The following GLT1D1 variants were observed in gnomAD, a reference collection of about 807,000 sequenced individuals.
The protein encoded by GLT1D1 is glycosyltransferase 1 domain-containing protein 1.
In GLT1D1, 21 loss-of-function variants were observed where a neutral mutation model predicts 28.7. The ratio of observed to expected loss-of-function variants is 0.73; its 90% CI spans 0.52 to 1.05. GLT1D1 has a LOEUF of 1.05. Among genes scored for constraint, GLT1D1 ranks in the 50% least tolerant of loss-of-function variants. GLT1D1 has a pLI of 0.00. For synonymous variants in GLT1D1, 147 were observed against 124.8 expected (o/e 1.18, Z -1.19); for missense variants, 343 against 330.6 (o/e 1.04, Z -0.29).
intron 7 of GLT1D1, among the ~76,000 whole-genome samples, chr12:128,977,777 T>C (rs1353602809): frequency 2.2e-5 from 1 of 45,346 alleles, no homozygotes; most frequent in Admixed American, 2.8e-4. Flanking sequence ...TTTTTCTTTT[T>C]TCTTTTTTTT....
chr12:128,939,490 G>A (rs961356630), intron 4 of GLT1D1, among the ~76,000 whole-genome samples: 34 of 152,168 alleles, frequency 2.2e-4, no homozygotes, highest in South Asian at 1.7e-3. Context: ...GGGAGGCCGA[G>A]GCAGGAGGAT....
intron 7 of GLT1D1, among the ~76,000 whole-genome samples, chr12:128,962,476 T>A (rs61946466): frequency 0.35 from 53,174 of 151,656 alleles, 10,164 homozygotes; most frequent in Admixed American, 0.51. Context: ...AAGGAATGAG[T>A]GGAGGGAGTA....
At chr12:128,888,515 A>G (rs561318916) in intron 2 of GLT1D1, 124 bp from the exon 3 acceptor site, 410 of 642,198 alleles carry the variant, frequency 6.4e-4, no homozygotes, top group Non-Finnish European at 9.1e-4. Flanking sequence ...ATGCAGCTAA[A>G]TGTACAGCAA....
intron 4 of GLT1D1, among the ~76,000 whole-genome samples, chr12:128,911,229 C>T (rs965190030): frequency 3.3e-5 from 5 of 152,234 alleles, no homozygotes; most frequent in African/African-American, 7.2e-5. Context: ...CATGCCTGGC[C>T]GTGCCACCCA....
At chr12:128,914,794 T>C (rs1871934791) in intron 4 of GLT1D1, 139 bp from the exon 6 acceptor site, 3 of 640,384 alleles carry the variant, frequency 4.7e-6, no homozygotes. Context: ...CACTGCAGCC[T>C]GGGTGACAGA....
chr12:128,956,852 T>A (rs1877364599), intron 6 of GLT1D1, among the ~76,000 whole-genome samples: 1 of 152,208 alleles, frequency 6.6e-6, no homozygotes, highest in Non-Finnish European at 1.5e-5. Flanking sequence ...GTCAGTGGGA[T>A]CCCCTTGAAG....
chr12:128,883,920 G>A (rs768298631), intron 2 of GLT1D1, among the ~76,000 whole-genome samples: 1 of 152,160 alleles, frequency 6.6e-6, no homozygotes, highest in African/African-American at 2.4e-5. Flanking sequence ...AGAAGGGAAA[G>A]GATTTACTTC....
chr12:128,877,155 C>T (rs1356312328), intron 2 of GLT1D1, among the ~76,000 whole-genome samples: 2 of 152,200 alleles, frequency 1.3e-5, no homozygotes, highest in African/African-American at 2.4e-5. Flanking sequence ...TCTGACTTTA[C>T]TGAGAGTATA....
chr12:128,904,003 C>T (rs1870579963), intron 4 of GLT1D1, among the ~76,000 whole-genome samples: 1 of 151,856 alleles, frequency 6.6e-6, no homozygotes. Context: ...TGCTGGGATA[C>T]AGGCATGAGC....
At chr12:128,917,468 G>A (rs1484094855) in intron 4 of GLT1D1, among the ~76,000 whole-genome samples, 1 of 151,880 alleles carries the variant, frequency 6.6e-6, no homozygotes, top group Non-Finnish European at 1.5e-5. Context: ...GGAGAGAGAG[G>A]GTTTTCACCA....
At chr12:128,936,851 G>T (rs1276860134) in intron 4 of GLT1D1, among the ~76,000 whole-genome samples, 1 of 152,112 alleles carries the variant, frequency 6.6e-6, no homozygotes, top group African/African-American at 2.4e-5. Context: ...TTCATGACAT[G>T]TGCTTTCATT....
At chr12:128,862,142 A>G (rs1177198913) in intron 1 of GLT1D1, among the ~76,000 whole-genome samples, 2 of 145,932 alleles carry the variant, frequency 1.4e-5, no homozygotes, top group Non-Finnish European at 3.0e-5. Flanking sequence ...CAGCCTGGCT[A>G]ACATGGTGAA....
At chr12:128,870,237 A>C (rs1257168214) in intron 1 of GLT1D1, among the ~76,000 whole-genome samples, 1 of 152,006 alleles carries the variant, frequency 6.6e-6, no homozygotes, top group Non-Finnish European at 1.5e-5. Context: ...ATAAATTTGC[A>C]CTCCAGCAAA....
intron 2 of GLT1D1, among the ~76,000 whole-genome samples, chr12:128,877,882 T>G (rs1415701417): frequency 6.6e-6 from 1 of 152,216 alleles, no homozygotes; most frequent in East Asian, 1.9e-4. Flanking sequence ...GTGGCTTGAC[T>G]GGGGCTTGCT....
At chr12:128,954,282 C>A (rs1296635911) in intron 6 of GLT1D1, among the ~76,000 whole-genome samples, 1 of 128,396 alleles carries the variant, frequency 7.8e-6, no homozygotes, top group Non-Finnish European at 1.7e-5. Context: ...CCACCACACC[C>A]GGCTAATTTT....
intron 4 of GLT1D1, among the ~76,000 whole-genome samples, chr12:128,917,475 A>G (rs1872217391): frequency 6.6e-6 from 1 of 152,010 alleles, no homozygotes; most frequent in African/African-American, 2.4e-5. Context: ...GAGGGTTTTC[A>G]CCATGTTGGC....
intron 4 of GLT1D1, among the ~76,000 whole-genome samples, chr12:128,915,935 G>A (rs1345591873): frequency 6.6e-6 from 1 of 152,138 alleles, no homozygotes; most frequent in African/African-American, 2.4e-5. Flanking sequence ...TTTGACAAAT[G>A]TATATACCCA....
chr12:128,922,641 G>A (rs1463336915), intron 4 of GLT1D1, among the ~76,000 whole-genome samples: 2 of 152,088 alleles, frequency 1.3e-5, no homozygotes, highest in Admixed American at 6.5e-5. Flanking sequence ...TTAAGGAAAG[G>A]GCCAGGTGCG....
intron 4 of GLT1D1, among the ~76,000 whole-genome samples, chr12:128,907,229 A>G (rs1593113724): frequency 1.3e-5 from 2 of 149,546 alleles, no homozygotes; most frequent in Middle Eastern, 6.9e-3. Flanking sequence ...CCTCTAGACT[A>G]CCTCTTTTCT....
Sources: allele counts gnomAD v4.1 joint callset (sites outside exome capture counted in the v4.1 genomes callset), GRCh38; gene constraint gnomAD v4.1.1; transcripts MANE v1.5; gene names NCBI Gene and HGNC (gene_info 2026-07-23, HGNC 2026-07-21).